Variants in UVSSA observed in about 807,000 individuals in gnomAD.
The protein encoded by UVSSA is UV stimulated scaffold protein A.
Under a neutral mutation model 73.9 loss-of-function variants are expected in UVSSA, and 72 were observed. That is an observed-to-expected ratio of 0.97 (90% CI 0.81 to 1.19). The LOEUF is 1.19. Ranked by LOEUF, UVSSA falls within the 50% of genes most tolerant of loss-of-function variation. The pLI is 0.00. For missense variants in UVSSA, 1,150 were observed against 965.0 expected, an observed-to-expected ratio of 1.19 and a Z score of -2.54; for synonymous variants, 454 against 391.3, an observed-to-expected ratio of 1.16 and a Z score of -1.89.
At chr4:1,345,613 C>T (rs1484029001), upstream of UVSSA, among the ~76,000 whole-genome samples, 1 of 140,326 alleles carries the variant, frequency 7.1e-6, no homozygotes, top group African/African-American at 2.8e-5. Flanking sequence ...CCACTGCACT[C>T]CAGCCTGGGT....
chr4:1,390,190 A>G (rs1720373928), downstream of UVSSA: 1 of 152,132 alleles, frequency 6.6e-6, no homozygotes. Flanking sequence ...ATCTAAAAGT[A>G]TATTCTGATT....
At chr4:1,349,107 G>A (rs1051462733) in intron 2 of UVSSA, among the ~76,000 whole-genome samples, 3 of 151,894 alleles carry the variant, frequency 2.0e-5, no homozygotes, top group Admixed American at 6.5e-5. Flanking sequence ...TGTGTGTTGC[G>A]CTAGGTAACG....
chr4:1,379,151 C>T (rs7657357), intron 10 of UVSSA, among the ~76,000 whole-genome samples: 87,690 of 152,084 alleles, frequency 0.58, 25,907 homozygotes, highest in Non-Finnish European at 0.65. Context: ...CGGGCAGAGC[C>T]GACCGTTCCC....
upstream of UVSSA, among the ~76,000 whole-genome samples, chr4:1,346,230 G>A (rs1262640844): frequency 6.6e-6 from 1 of 152,244 alleles, no homozygotes; most frequent in African/African-American, 2.4e-5. Flanking sequence ...AGAGTTGTGA[G>A]CTACCACCAC....
chr4:1,366,792 G>C (rs1717387788), intron 8 of UVSSA, among the ~76,000 whole-genome samples: 1 of 152,174 alleles, frequency 6.6e-6, no homozygotes, highest in Non-Finnish European at 1.5e-5. Context: ...TCTTGTGTGT[G>C]GAGGACACCG....
chr4:1,354,699 G>A lies in UVSSA; in HGVS notation c.935-36G>A, dbSNP rs145009846. The A allele has an allele frequency of 2.9e-4, 454 of 1,590,560 alleles. 4 individuals carry two copies. The highest frequency in any genetic ancestry group is 2.2e-3 in the African/African-American group (163 of 74,322). On this transcript the variant is annotated intron_variant, in intron 5 of 13. Coordinates refer to ENST00000389851, the MANE Select transcript of UVSSA (RefSeq NM_020894.4). ...CCGGGGCCTGTGGGAGACGCCAGTC[G>A]GCGCCCTCTTGTGACCTCTGTGTGC...
At chr4:1,361,226 G>A (rs1244623627) in intron 7 of UVSSA, among the ~76,000 whole-genome samples, 1 of 152,174 alleles carries the variant, frequency 6.6e-6, no homozygotes, top group South Asian at 2.1e-4. Flanking sequence ...TGGTGCTGTG[G>A]TCCTGGCCCC....
upstream of UVSSA, among the ~76,000 whole-genome samples, chr4:1,346,109 T>A (rs1216766984): frequency 6.6e-6 from 1 of 152,166 alleles, no homozygotes; most frequent in South Asian, 2.1e-4. Flanking sequence ...AAGCTGGTGC[T>A]GCAGAGAGGG....
chr4:1,362,441 G>C (rs769924130), intron 7 of UVSSA, among the ~76,000 whole-genome samples: 1 of 152,236 alleles, frequency 6.6e-6, no homozygotes, highest in Non-Finnish European at 1.5e-5. Context: ...GGTGACCTGT[G>C]CCTCCCATGC....
chr4:1,382,636 G>A (rs949545582), intron 12 of UVSSA, among the ~76,000 whole-genome samples: 2 of 152,182 alleles, frequency 1.3e-5, no homozygotes, highest in African/African-American at 2.4e-5. Context: ...AAACTGTGGC[G>A]CCTTCTTATT....
At position 1,348,300 on chromosome 4, in the gene UVSSA, C is replaced by T. The variant is rs1002496895; in HGVS notation, c.98+111C>T. On this transcript the variant is annotated intron_variant, in intron 2 of 13. Coordinates refer to ENST00000389851, the MANE Select transcript of UVSSA (RefSeq NM_020894.4). Reference sequence around the variant, plus strand: ...GGAGAGAACCACCCGAGGGACACACCCAGGACATTTTCTCGGGGCCCTGCA... The same window carrying T: ...GGAGAGAACCACCCGAGGGACACACTCAGGACATTTTCTCGGGGCCCTGCA... 1.2e-4 allele frequency: 95 copies of T among 811,614 alleles called. 1 individual carries two copies. Among genetic ancestry groups the T allele is most frequent in the Admixed American group, 2.6e-4 (12 of 45,332 alleles). The allele number at this position is 811,614 out of a possible 1,614,324, so 50.3% of individuals were successfully genotyped here. A position where few individuals can be genotyped will look rare whatever the true frequency, so the allele number is the denominator to read the frequency against.
chr4:1,361,230 T>G (rs1218072251), intron 7 of UVSSA, among the ~76,000 whole-genome samples: 2 of 152,230 alleles, frequency 1.3e-5, no homozygotes. Flanking sequence ...GCTGTGGTCC[T>G]GGCCCCTGCA....
At chr4:1,353,964 C>T (rs1416967098) in intron 5 of UVSSA, among the ~76,000 whole-genome samples, 1 of 152,246 alleles carries the variant, frequency 6.6e-6, no homozygotes, top group African/African-American at 2.4e-5. Context: ...GCCCCAGCTT[C>T]CTCCCAAGCC....
intron 8 of UVSSA, among the ~76,000 whole-genome samples, chr4:1,370,882 G>T (rs370436735): frequency 6.6e-6 from 1 of 152,198 alleles, no homozygotes; most frequent in Non-Finnish European, 1.5e-5. Context: ...GGACGGGGTC[G>T]GTGGCTCACT....
intron 12 of UVSSA, 33 bp downstream of exon 12, chr4:1,381,021 C>T (rs773385741): frequency 6.3e-7 from 1 of 1,597,520 alleles, no homozygotes. Context: ...CCGTGGGAGG[C>T]ACAGCCTGGG....
chr4:1,355,139 A>T lies in UVSSA; in HGVS notation c.1070A>T (p.His357Leu). ...CAGCGCTTCACCCGCGTCGGGACCCACGGTGGATGTTTAAAGCGTGCCATT... is the reference window on the plus strand; with the variant it reads ...CAGCGCTTCACCCGCGTCGGGACCCTCGGTGGATGTTTAAAGCGTGCCATT... Reference protein sequence around the residue: ...WIQRFTRVGTHGGCLKRAIDL... With the variant: ...WIQRFTRVGTLGGCLKRAIDL... The change falls in exon 7 of 14, where the codon CAC becomes CTC. Residue 357 changes from histidine (H) to leucine (L), a missense_variant. By Grantham distance (99) the His-to-Leu change is moderately conservative (BLOSUM62 -3). Transcript: ENST00000389851. 6.2e-7 allele frequency: 1 copy of T among 1,613,726 alleles called. No homozygotes were observed.
exon 14 of UVSSA, chr4:1,394,473 T>A: frequency 3.1e-6 from 5 of 1,609,546 alleles, no homozygotes; most frequent in Non-Finnish European, 3.4e-6. Flanking sequence ...ACCCAGTTTT[T>A]AAATTTCAAA....
chr4:1,349,745 A>T lies in UVSSA; in HGVS notation c.320A>T (p.Gln107Leu). The change falls in exon 3 of 14, where the codon CAG (glutamine) becomes CTG (leucine). Residue 107 changes from glutamine (Q) to leucine (L), a missense_variant. Coordinates refer to ENST00000389851, the MANE Select transcript of UVSSA (RefSeq NM_020894.4). The stretch of plus-strand genomic sequence containing the variant: ...CTGCCGCCCCCCAGGGAGGCGGCAC[A>T]GAGGCTGAGGCAGGCGACCACCCGG... ...QPLPPPREAA[Q>L]RLRQATTRAV... The T allele has an allele frequency of 6.2e-7, 1 of 1,612,968 alleles. No individual in the cohort carries two copies. The highest frequency in any genetic ancestry group is 8.5e-7 in the Non-Finnish European group (1 of 1,179,490).
chr4:1,388,344 C>G (rs1331400840), downstream of UVSSA: 1 of 152,202 alleles, frequency 6.6e-6, no homozygotes, highest in Non-Finnish European at 1.5e-5. Context: ...ATCCAGCATT[C>G]CTTGCTGAAC....
Sources: allele counts gnomAD v4.1 joint callset (sites outside exome capture counted in the v4.1 genomes callset), GRCh38; gene constraint gnomAD v4.1.1; transcripts MANE v1.5; gene names NCBI Gene and HGNC (gene_info 2026-07-23, HGNC 2026-07-21).